Variants in DNAJC1 observed in about 807,000 individuals in gnomAD.
DNAJC1 encodes the protein DnaJ heat shock protein family (Hsp40) member C1, also known as dnaJ homolog subfamily C member 1.
A neutral mutation model predicts 76.6 loss-of-function variants in DNAJC1; 58 were observed. The observed-to-expected ratio is 0.76, with a 90% CI of 0.61 to 0.94. The LOEUF is 0.94. Among genes scored for constraint, DNAJC1 ranks in the 40% least tolerant of loss-of-function variants. The pLI is 0.00. For synonymous variants in DNAJC1, 258 were observed against 267.9 expected (o/e 0.96, Z 0.36); for missense variants, 689 against 677.3 (o/e 1.02, Z -0.19).
intron 9 of DNAJC1, among the ~76,000 whole-genome samples, chr10:21,783,533 C>T (rs1041710290): frequency 2.5e-4 from 38 of 152,150 alleles, no homozygotes; most frequent in Non-Finnish European, 4.4e-4. Flanking sequence ...ACTTTCTTCA[C>T]AGAATTGGAA....
chr10:21,811,310 T>C (rs920306647), intron 8 of DNAJC1, among the ~76,000 whole-genome samples: 31 of 152,200 alleles, frequency 2.0e-4, no homozygotes, highest in Non-Finnish European at 2.9e-5. Context: ...CTCTTTTGGG[T>C]TCTGGAGGAA....
intron 8 of DNAJC1, among the ~76,000 whole-genome samples, chr10:21,831,752 T>G (rs530685689): frequency 1.1e-4 from 15 of 140,838 alleles, no homozygotes; most frequent in Middle Eastern, 3.9e-3. Context: ...ATCGCACCAC[T>G]GCACTCCAGC....
chr10:21,799,614 T>C (rs1834790600), intron 9 of DNAJC1, among the ~76,000 whole-genome samples: 1 of 152,134 alleles, frequency 6.6e-6, no homozygotes, highest in African/African-American at 2.4e-5. Flanking sequence ...TTTTTTTCTT[T>C]TCCACATTTT....
chr10:21,912,698 T>G (rs567883126), intron 6 of DNAJC1, among the ~76,000 whole-genome samples: 1 of 152,070 alleles, frequency 6.6e-6, no homozygotes, highest in South Asian at 2.1e-4. Context: ...TCTGTTTAAC[T>G]CTAAGTAGAA....
At chr10:21,900,974 G>A (rs1836642693) in intron 7 of DNAJC1, among the ~76,000 whole-genome samples, 1 of 152,080 alleles carries the variant, frequency 6.6e-6, no homozygotes, top group Admixed American at 6.6e-5. Flanking sequence ...TTAGTCTTAA[G>A]GAAGGTGACT....
At chr10:21,796,152 T>C (rs1008891622) in intron 9 of DNAJC1, among the ~76,000 whole-genome samples, 2 of 151,994 alleles carry the variant, frequency 1.3e-5, no homozygotes, top group Non-Finnish European at 2.9e-5. Flanking sequence ...GTATTTTTAG[T>C]AGAGACGGGG....
chr10:21,996,931 A>G (rs1358985713), intron 1 of DNAJC1, among the ~76,000 whole-genome samples: 3 of 152,200 alleles, frequency 2.0e-5, no homozygotes, highest in African/African-American at 4.8e-5. Flanking sequence ...ATGCATGCCT[A>G]CATCAGAAAT....
chr10:21,870,240 C>T (rs1836080786), intron 8 of DNAJC1, among the ~76,000 whole-genome samples: 1 of 152,068 alleles, frequency 6.6e-6, no homozygotes, highest in East Asian at 1.9e-4. Context: ...TTTGATAATA[C>T]TTAACAATAT....
intron 8 of DNAJC1, among the ~76,000 whole-genome samples, chr10:21,867,374 T>C (rs908028412): frequency 6.6e-6 from 1 of 152,106 alleles, no homozygotes; most frequent in Non-Finnish European, 1.5e-5. Flanking sequence ...GTTGAAACTA[T>C]TTAAAGTAAA....
intron 9 of DNAJC1, among the ~76,000 whole-genome samples, chr10:21,798,586 C>T (rs537494830): frequency 3.2e-4 from 49 of 152,302 alleles, no homozygotes; most frequent in African/African-American, 1.2e-3. Context: ...TCTCAGACAA[C>T]CTTGCTCCTT....
chr10:21,774,451 T>C (rs72802956), intron 9 of DNAJC1, among the ~76,000 whole-genome samples: 3,839 of 152,278 alleles, frequency 0.025, 66 homozygotes, highest in African/African-American at 0.043. Context: ...ATACACATTG[T>C]TTTTTCATCT....
chr10:21,975,900 G>A (rs1213441488), intron 1 of DNAJC1, among the ~76,000 whole-genome samples: 1 of 151,986 alleles, frequency 6.6e-6, no homozygotes, highest in Non-Finnish European at 1.5e-5. Context: ...AACTTTTTTG[G>A]CCTAAAGGTT....
At chr10:21,968,073 T>C (rs1005609511) in intron 1 of DNAJC1, among the ~76,000 whole-genome samples, 1 of 152,346 alleles carries the variant, frequency 6.6e-6, no homozygotes, top group South Asian at 2.1e-4. Flanking sequence ...AGTTTTATAT[T>C]ACATCAATAA....
chr10:21,941,337 T>C (rs1217932619), intron 1 of DNAJC1, among the ~76,000 whole-genome samples: 1 of 147,930 alleles, frequency 6.8e-6, no homozygotes, highest in Non-Finnish European at 1.5e-5. Context: ...GTATGGCCCC[T>C]GATTCAAATT....
At chr10:21,973,443 C>T (rs2807971) in intron 1 of DNAJC1, among the ~76,000 whole-genome samples, 98,561 of 152,032 alleles carry the variant, frequency 0.65, 32,822 homozygotes, top group East Asian at 0.98. Context: ...AATACCAAGA[C>T]TCTATTGTTC....
At chr10:21,951,935 TAG>T (rs1837603108) in intron 1 of DNAJC1, among the ~76,000 whole-genome samples, 1 of 152,190 alleles carries the variant, frequency 6.6e-6, no homozygotes, top group Non-Finnish European at 1.5e-5. Flanking sequence ...AAAATTTAAT[TAG>T]ATAAGGAACA....
intron 1 of DNAJC1, among the ~76,000 whole-genome samples, chr10:21,944,170 G>T (rs1426671943): frequency 6.0e-5 from 9 of 149,048 alleles, no homozygotes; most frequent in Admixed American, 2.0e-4. Context: ...TCACATAAAG[G>T]TTTTTTTTTT....
intron 1 of DNAJC1, among the ~76,000 whole-genome samples, chr10:21,969,674 A>C (rs1837947176): frequency 6.6e-6 from 1 of 152,236 alleles, no homozygotes; most frequent in Non-Finnish European, 1.5e-5. Flanking sequence ...TCTAAATTTT[A>C]AAAAGCATTG....
chr10:21,809,259 A>G (rs1452034465), intron 8 of DNAJC1, among the ~76,000 whole-genome samples: 1 of 152,048 alleles, frequency 6.6e-6, no homozygotes, highest in African/African-American at 2.4e-5. Context: ...ATTAAAAAAA[A>G]TTTTTAATGT....
Sources: allele counts gnomAD v4.1 joint callset (sites outside exome capture counted in the v4.1 genomes callset), GRCh38; gene constraint gnomAD v4.1.1; transcripts MANE v1.5; gene names NCBI Gene and HGNC (gene_info 2026-07-23, HGNC 2026-07-21).